CUL3: variants seen among roughly 807,000 people sequenced by gnomAD.
CUL3 encodes the protein cullin-3.
Under a neutral mutation model 89.1 loss-of-function variants are expected in CUL3, and 19 were observed. That is an observed-to-expected ratio of 0.21 (90% CI 0.15 to 0.31). The LOEUF (loss-of-function observed/expected upper bound fraction) is 0.31, where lower values mean the gene tolerates loss of function less well. Among genes scored for constraint, CUL3 ranks in the 10% least tolerant of loss-of-function variants. CUL3 has a pLI of 1.00. For synonymous variants in CUL3, 351 were observed against 308.4 expected, an observed-to-expected ratio of 1.14 and a Z score of -1.45; for missense variants, 469 against 942.3, an observed-to-expected ratio of 0.50 and a Z score of 6.58.
intron 1 of CUL3, among the ~76,000 whole-genome samples, chr2:224,584,723 C>T (rs1005239908): frequency 1.5e-4 from 22 of 147,932 alleles, no homozygotes; most frequent in African/African-American, 5.4e-4. Flanking sequence ...GGGGGCGCGG[C>T]GCCAGGCCCG....
At chr2:224,491,962 C>T (rs1485901301) in intron 13 of CUL3, among the ~76,000 whole-genome samples, 1 of 152,150 alleles carries the variant, frequency 6.6e-6, no homozygotes, top group East Asian at 1.9e-4. Context: ...CCTTTTTGAA[C>T]ACAGTGCATT....
chr2:224,497,397 T>C (rs1362257657), intron 12 of CUL3, among the ~76,000 whole-genome samples: 3 of 152,170 alleles, frequency 2.0e-5, no homozygotes, highest in African/African-American at 4.8e-5. Flanking sequence ...ATAAAGATTA[T>C]AGGTGACAGA....
At chr2:224,489,174 A>C (rs1691857403) in intron 13 of CUL3, among the ~76,000 whole-genome samples, 1 of 152,244 alleles carries the variant, frequency 6.6e-6, no homozygotes, top group Non-Finnish European at 1.5e-5. Flanking sequence ...AAAAGCTGGA[A>C]GCATTCCCTT....
chr2:224,547,551 G>A (rs1033441597), intron 2 of CUL3, among the ~76,000 whole-genome samples: 5 of 151,798 alleles, frequency 3.3e-5, no homozygotes, highest in African/African-American at 7.3e-5. Flanking sequence ...TGATTACCTC[G>A]CTAAAATTAT....
In CUL3 at chr2:224,470,431, C is replaced by T. The variant is rs909635981; in HGVS notation, c.*3814G>A. ...ATTAAATGCACGGGTTTCAAGACAT[C>T]CTAGTTGTTTTTCTCCTGAGAGCTG... On this transcript the variant is annotated 3_prime_UTR_variant, in exon 16 of 16. Transcript: ENST00000264414. The T allele has an allele frequency of 2.6e-5, 6 of 230,600 alleles. No homozygotes were observed. The highest frequency in any genetic ancestry group is 5.6e-5 in the Admixed American group (1 of 17,706). 14.3% of individuals were successfully genotyped at this position (230,600 alleles called of 1,614,324 possible). A position where few individuals can be genotyped will look rare whatever the true frequency, so the allele number is the denominator to read the frequency against.
intron 2 of CUL3, among the ~76,000 whole-genome samples, chr2:224,548,229 C>A (rs954184850): frequency 2.0e-5 from 3 of 152,138 alleles, no homozygotes; most frequent in African/African-American, 7.2e-5. Context: ...AAGTCTAAAA[C>A]GTAACTTCCA....
intron 12 of CUL3, among the ~76,000 whole-genome samples, chr2:224,497,535 G>T (rs1001097052): frequency 7.2e-5 from 11 of 151,904 alleles, no homozygotes; most frequent in African/African-American, 1.9e-4. Context: ...TAGTCCTTAG[G>T]GAAGACTATA....
intron 2 of CUL3, among the ~76,000 whole-genome samples, chr2:224,544,020 G>C (rs1043489766): frequency 7.2e-5 from 11 of 152,066 alleles, no homozygotes; most frequent in Non-Finnish European, 1.3e-4. Context: ...TCAGATTTTG[G>C]ATTTTTGGAT....
chr2:224,525,204 T>C (rs1284213204), intron 3 of CUL3, among the ~76,000 whole-genome samples: 1 of 152,236 alleles, frequency 6.6e-6, no homozygotes, highest in Non-Finnish European at 1.5e-5. Flanking sequence ...AACAGTCAAT[T>C]AATGTAATTC....
At chr2:224,495,713 C>T in intron 13 of CUL3, 119 bp downstream of exon 13, 3 of 739,724 alleles carry the variant, frequency 4.1e-6, no homozygotes, top group Non-Finnish European at 6.5e-6. Context: ...CCATTTTATA[C>T]AGTTTTCTCT....
intron 11 of CUL3, 73 bp from the exon 12 acceptor site, chr2:224,497,922 C>T: frequency 1.8e-6 from 2 of 1,130,420 alleles, no homozygotes; most frequent in Non-Finnish European, 2.7e-6. Flanking sequence ...TACAGGATAA[C>T]ATCCCTTAAA....
intron 1 of CUL3, among the ~76,000 whole-genome samples, chr2:224,571,489 A>G (rs1173107522): frequency 6.6e-6 from 1 of 152,228 alleles, no homozygotes; most frequent in Non-Finnish European, 1.5e-5. Context: ...CCCAAAGGGA[A>G]AGGAAAAAAA....
intron 13 of CUL3, among the ~76,000 whole-genome samples, chr2:224,486,028 T>A (rs1691708014): frequency 6.6e-6 from 1 of 152,186 alleles, no homozygotes; most frequent in South Asian, 2.1e-4. Context: ...GCCTGATTGT[T>A]AGAAGGAAAA....
chr2:224,549,330 A>G (rs1318853421), intron 2 of CUL3, among the ~76,000 whole-genome samples: 3 of 149,966 alleles, frequency 2.0e-5, no homozygotes, highest in Non-Finnish European at 4.4e-5. Flanking sequence ...AATAAATTAA[A>G]AAAAAAAAAA....
At chr2:224,507,621 A>C (rs1355069092) in intron 6 of CUL3, among the ~76,000 whole-genome samples, 1 of 152,156 alleles carries the variant, frequency 6.6e-6, no homozygotes, top group Non-Finnish European at 1.5e-5. Context: ...AGCAATCCCT[A>C]ATGTTTCCCA....
chr2:224,553,976 G>A (rs553639239), intron 2 of CUL3, among the ~76,000 whole-genome samples: 31 of 152,258 alleles, frequency 2.0e-4, no homozygotes, highest in African/African-American at 6.3e-4. Context: ...GACTGCTCAC[G>A]TAACTTCAAT....
At chr2:224,494,361 A>C (rs1692088662) in intron 13 of CUL3, among the ~76,000 whole-genome samples, 1 of 152,192 alleles carries the variant, frequency 6.6e-6, no homozygotes, top group Non-Finnish European at 1.5e-5. Context: ...TTTTAACCCC[A>C]AAACACCCTT....
intron 2 of CUL3, among the ~76,000 whole-genome samples, chr2:224,549,293 G>T (rs913340505): frequency 6.6e-6 from 1 of 151,268 alleles, no homozygotes; most frequent in African/African-American, 2.4e-5. Flanking sequence ...ACTCCAGCCT[G>T]GGCGACAGCA....
chr2:224,536,192 A>G (rs1311008786), intron 2 of CUL3, among the ~76,000 whole-genome samples: 1 of 152,224 alleles, frequency 6.6e-6, no homozygotes, highest in Non-Finnish European at 1.5e-5. Flanking sequence ...CAATACACTT[A>G]AAACAGTGCT....
Sources: allele counts gnomAD v4.1 joint callset (sites outside exome capture counted in the v4.1 genomes callset), GRCh38; gene constraint gnomAD v4.1.1; transcripts MANE v1.5; gene names NCBI Gene and HGNC (gene_info 2026-07-23, HGNC 2026-07-21).